The following ADGRF1 variants were observed in gnomAD, a reference collection of about 807,000 sequenced individuals.
The protein encoded by ADGRF1 is G protein-coupled receptor 110.
Under a neutral mutation model 87.2 loss-of-function variants are expected in ADGRF1, and 85 were observed. The observed-to-expected ratio is 0.97, with a 90% CI of 0.82 to 1.17. ADGRF1 has a LOEUF of 1.17. Among genes scored for constraint, ADGRF1 ranks in the 50% most tolerant of loss-of-function variants. The probability of loss-of-function intolerance (pLI) is 0.00; values close to 1 mark genes in which losing one functional copy is unlikely to be tolerated. For missense variants in ADGRF1, 1,169 were observed against 1,077.2 expected, an observed-to-expected ratio of 1.09 and a Z score of -1.19; for synonymous variants, 430 against 408.8, an observed-to-expected ratio of 1.05 and a Z score of -0.63.
At chr6:47,035,614 A>T (rs1209071922) in intron 1 of ADGRF1, among the ~76,000 whole-genome samples, 1 of 152,214 alleles carries the variant, frequency 6.6e-6, no homozygotes, top group Non-Finnish European at 1.5e-5. Context: ...CGAATTTTTT[A>T]ACTATTTCCC....
intron 6 of ADGRF1, among the ~76,000 whole-genome samples, chr6:47,021,629 G>C (rs1009395816): frequency 6.6e-6 from 1 of 152,020 alleles, no homozygotes; most frequent in African/African-American, 2.4e-5. Flanking sequence ...CCAAAGTACT[G>C]GGATTACAGG....
In ADGRF1 at chr6:46,999,271, C is replaced by G. The variant is rs1779293152; in HGVS notation, c.*951G>C. 2.0e-5 allele frequency: 3 copies of G among 152,140 alleles called. No homozygotes were observed. The highest frequency in any genetic ancestry group is 7.2e-5 in the African/African-American group (3 of 41,434). The allele number at this position is 152,140 out of a possible 1,614,324, so 9.4% of individuals were successfully genotyped here. A position where few individuals can be genotyped will look rare whatever the true frequency, so the allele number is the denominator to read the frequency against. ...AGAAAATAAGGATGTTTTAAGGTAC[C>G]TCCCTGGAAGCTGACAACCAAATTC... On this transcript the variant is annotated 3_prime_UTR_variant, in exon 15 of 15. Transcript: ENST00000371253.
intron 6 of ADGRF1, 83 bp downstream of exon 6, chr6:47,021,875 T>C (rs1479297096): frequency 2.7e-6 from 2 of 745,200 alleles, no homozygotes; most frequent in Non-Finnish European, 2.3e-6. Context: ...TAAGAATATG[T>C]ATTAAATATA....
At chr6:47,013,466 A>G (rs1779768524) in intron 9 of ADGRF1, 1 of 985,368 alleles carries the variant, frequency 1.0e-6, no homozygotes. Flanking sequence ...AGCAGAAGCA[A>G]GGTCTCTGGC....
intron 1 of ADGRF1, among the ~76,000 whole-genome samples, chr6:47,038,916 A>G (rs1484016615): frequency 6.6e-6 from 1 of 152,216 alleles, no homozygotes; most frequent in Non-Finnish European, 1.5e-5. Context: ...AAAGTCTCCA[A>G]GTAGAGTCGG....
rs868151607 is a variant in ADGRF1, at chr6:47,009,109, C to T, written c.2326G>A (p.Glu776Lys). ...LTKLWRPTVG[E>K]RLSRDDKATI... ...GCCTTGTCATCCCGACTCAGTCTTT[C>T]CCCAACAGTCGGCCTCCAGAGCTTT... Residue 776 changes from glutamate (E) to lysine (K), a missense_variant, in exon 11 of 15, where the codon GAA (glutamate) becomes AAA (lysine). Glu to Lys is a moderately conservative substitution (Grantham distance 56, BLOSUM62 1). Transcript: ENST00000371253. The T allele has an allele frequency of 1.2e-6, 2 of 1,614,102 alleles. No homozygotes were observed. Among genetic ancestry groups the T allele is most frequent in the Non-Finnish European group, 1.7e-6 (2 of 1,180,008 alleles).
chr6:47,021,884 T>C, intron 6 of ADGRF1, 74 bp downstream of exon 6: 1 of 799,522 alleles, frequency 1.3e-6, no homozygotes, highest in Non-Finnish European at 2.1e-6. Flanking sequence ...GTATTAAATA[T>C]ACATGCTGAA....
chr6:47,026,011 GAGAA>G lies in ADGRF1; in HGVS notation c.128-12_128-9del, dbSNP rs3832434. On this transcript the variant is annotated splice_polypyrimidine_tract_variant and intron_variant, in intron 3 of 14. Transcript: ENST00000371253. Reference sequence around the variant, plus strand: ...GATATTCTTCGACTGGGCCTAAAGAGAGAAAGAGAGTCAGAAACCTTTTTTTCTG... The same window carrying G: ...GATATTCTTCGACTGGGCCTAAAGAGAGAGAGTCAGAAACCTTTTTTTCTG... The G allele has an allele frequency of 0.027, 41,663 of 1,557,908 alleles. 3,187 individuals are homozygous for G. The highest frequency in any genetic ancestry group is 0.19 in the African/African-American group (14,161 of 72,946).
chr6:47,000,284 A>C lies in ADGRF1; in HGVS notation c.2671T>G (p.Phe891Val), dbSNP rs760515365. ...NPLQNKGHYA[F>V]SHTGDSSDNI... ...TCGGAGGAATCTCCAGTATGAGAAA[A>C]TGCATAATGGCCTGAAGGGGAAAAA... The change falls in exon 15 of 15, where the codon TTT (phenylalanine) becomes GTT (valine). Residue 891 changes from phenylalanine (F) to valine (V), a missense_variant. By Grantham distance (50) the Phe-to-Val change is conservative (BLOSUM62 -1). Transcript: ENST00000371253. 6.2e-7 allele frequency: 1 copy of C among 1,600,924 alleles called. No homozygotes were observed. Among genetic ancestry groups the C allele is most frequent in the South Asian group, 1.1e-5 (1 of 89,786 alleles).
rs773079368 is a variant in ADGRF1 at position 47,001,486 on chromosome 6, T to A, written c.2659+15A>T. On this transcript the variant is annotated intron_variant, in intron 14 of 14. Transcript: ENST00000371253. Reference sequence around the variant, plus strand: ...TTTCACACCTTTTATAACCTTTGGTTTTATTGTAACTCACCTTTGTTTTGC... The same window carrying A: ...TTTCACACCTTTTATAACCTTTGGTATTATTGTAACTCACCTTTGTTTTGC... 6.2e-7 allele frequency: 1 copy of A among 1,611,398 alleles called. No homozygotes were observed. Among genetic ancestry groups the A allele is most frequent in the South Asian group, 1.1e-5 (1 of 90,798 alleles).
intron 1 of ADGRF1, among the ~76,000 whole-genome samples, chr6:47,033,846 C>T (rs73480762): frequency 2.0e-5 from 3 of 152,190 alleles, no homozygotes; most frequent in East Asian, 3.8e-4. Context: ...GAGAAGACAG[C>T]TGAGAAAATA....
rs546342553 is a variant in ADGRF1, at chr6:46,999,916, C to T, written c.*306G>A. On this transcript the variant is annotated 3_prime_UTR_variant, in exon 15 of 15. Coordinates refer to ENST00000371253, the MANE Select transcript of ADGRF1 (RefSeq NM_153840.4). ...TATTGGAAATGCCATGTGAATAATG[C>T]TGTTTTATGAAAATAGAAACCATAT... The T allele has an allele frequency of 3.3e-5, 7 of 214,456 alleles. No homozygotes were observed. In the South Asian group the frequency reaches 6.5e-4, roughly 20 times the overall value. 13.3% of individuals were successfully genotyped at this position (214,456 alleles called of 1,614,324 possible).
In ADGRF1 at chr6:47,000,286, G is replaced by C. The variant is rs1582129841; in HGVS notation, c.2669C>G (p.Ala890Gly). 4 of 1,597,588 alleles carry C rather than the reference G, an allele frequency of 2.5e-6. No individual in the cohort carries two copies. In the East Asian group the frequency reaches 9.0e-5, roughly 36 times the overall value. ...GGAGGAATCTCCAGTATGAGAAAAT[G>C]CATAATGGCCTGAAGGGGAAAAAAA... The part of the protein sequence containing the change: ...FNPLQNKGHY[A>G]FSHTGDSSDN... Residue 890 changes from alanine to glycine, a missense_variant, in exon 15 of 15, where the codon GCA becomes GGA. Ala to Gly is a moderately conservative substitution (Grantham distance 60, BLOSUM62 0). Transcript: ENST00000371253.
chr6:47,009,878 G>A lies in ADGRF1; in HGVS notation c.1557C>T (p.Phe519=). ...TTGACTCTATCTTGGAAAAAAATAG[G>A]AAAACTTCATTTATGGAATAGTTTT... is the stretch of plus-strand genomic sequence containing the variant. ...VIQNYSINEV[F]LFFSKIESNL... Residue 519 remains phenylalanine (F), a synonymous_variant, in exon 11 of 15, where the codon TTC becomes TTT. Coordinates refer to ENST00000371253, the MANE Select transcript of ADGRF1 (RefSeq NM_153840.4). 2 of 1,613,982 alleles carry A rather than the reference G, an allele frequency of 1.2e-6. No individual in the cohort carries two copies. Among genetic ancestry groups the A allele is most frequent in the Non-Finnish European group, 1.7e-6 (2 of 1,179,884 alleles).
chr6:47,020,491 T>G (rs1467894351), intron 7 of ADGRF1: 2 of 1,469,118 alleles, frequency 1.4e-6, no homozygotes, highest in African/African-American at 3.0e-5. Flanking sequence ...GCGACAAGAG[T>G]GACATTCTGT....
intron 6 of ADGRF1, among the ~76,000 whole-genome samples, chr6:47,021,520 C>T (rs1014081286): frequency 2.6e-5 from 4 of 152,074 alleles, no homozygotes; most frequent in Admixed American, 2.0e-4. Context: ...TCACTATGCC[C>T]TGCTAATTTT....
Position 47,001,499 on chromosome 6 carries a change from A to G in ADGRF1, c.2659+2T>C. 1.2e-6 allele frequency: 2 copies of G among 1,613,014 alleles called. No homozygotes were observed. Among genetic ancestry groups the G allele is most frequent in the Non-Finnish European group, 1.7e-6 (2 of 1,179,338 alleles). On this transcript the variant is annotated splice_donor_variant, in intron 14 of 14. Coordinates refer to ENST00000371253, the MANE Select transcript of ADGRF1 (RefSeq NM_153840.4). LOFTEE classifies it high-confidence loss of function. ...ATAACCTTTGGTTTTATTGTAACTC[A>G]CCTTTGTTTTGCAGTGGGTTGAAAG...
At chr6:47,015,178 T>G (rs955247712) in intron 8 of ADGRF1, among the ~76,000 whole-genome samples, 1 of 152,202 alleles carries the variant, frequency 6.6e-6, no homozygotes, top group Admixed American at 6.5e-5. Flanking sequence ...TTTTTACTCT[T>G]TAAAGGAACA....
Position 47,024,185 on chromosome 6 carries a change from T to A in ADGRF1, c.310A>T (p.Thr104Ser). Residue 104 changes from threonine (T) to serine (S), a missense_variant, in exon 5 of 15, where the codon ACC becomes TCC. Thr to Ser is a moderately conservative substitution (Grantham distance 58). Transcript: ENST00000371253. Reference protein sequence around the residue: ...CNSLNGVLQCTCEDSYTWFPP... With the variant: ...CNSLNGVLQCSCEDSYTWFPP... The stretch of plus-strand genomic sequence containing the variant: ...AACCAGGTGTAGCTGTCTTCACAGG[T>A]ACACTGCAGGACTCCATTCAGGCTG... The A allele has an allele frequency of 1.2e-6, 2 of 1,614,096 alleles. No homozygotes were observed. Among genetic ancestry groups the A allele is most frequent in the African/African-American group, 2.7e-5 (2 of 75,068 alleles).
Sources: gnomAD v4.1 joint callset for allele counts (sites outside exome capture counted in the v4.1 genomes callset) on GRCh38, gnomAD v4.1.1 for gene constraint, MANE v1.5 for transcripts, NCBI Gene and HGNC (gene_info 2026-07-23, HGNC 2026-07-21) for gene names.